ABL2: variants seen among roughly 807,000 people sequenced by gnomAD.
The protein encoded by ABL2 is tyrosine-protein kinase ABL2.
A neutral mutation model predicts 107.7 loss-of-function variants in ABL2; 49 were observed. That is an observed-to-expected ratio of 0.45 (90% CI 0.36 to 0.58). The LOEUF (loss-of-function observed/expected upper bound fraction) is 0.58. ABL2 is among the 20% of genes least tolerant of loss of function. The pLI is 0.00. For synonymous variants in ABL2, 549 were observed against 548.6 expected (o/e 1.00, Z -0.01); for missense variants, 1,245 against 1,457.0 (o/e 0.85, Z 2.37).
In ABL2 at chr1:179,115,043, T is replaced by A; in HGVS notation, c.1409-13A>T. 6.4e-7 allele frequency: 1 copy of A among 1,572,650 alleles called. No homozygotes were observed. Among genetic ancestry groups the A allele is most frequent in the Admixed American group, 2.0e-5 (1 of 50,556 alleles). On this transcript the variant is annotated splice_polypyrimidine_tract_variant and intron_variant, in intron 8 of 11. Transcript: ENST00000502732. ...AATACCCCAAAAGCTGCATAAGGAA[T>A]TAAAAAAAGCACTTAGTGTTTCTTC...
chr1:179,126,722 T>C lies in ABL2; in HGVS notation c.392-50A>G. ...GAAAGAAACGATGTTAAGACTTTAT[T>C]TCAACTGAAGCAGTGTACTGTCAAA... On this transcript the variant is annotated intron_variant, in intron 3 of 11. Coordinates refer to ENST00000502732, the MANE Select transcript of ABL2 (RefSeq NM_007314.4). This position sits in a 1 kb window ranked among gnomAD's most constrained non-coding sequence, Gnocchi z 4.4. The C allele has an allele frequency of 6.5e-7, 1 of 1,528,140 alleles. No individual in the cohort carries two copies. The highest frequency in any genetic ancestry group is 8.9e-7 in the Non-Finnish European group (1 of 1,122,154). The allele number at this position is 1,528,140 out of a possible 1,614,324, so 94.7% of individuals were successfully genotyped here. A position where few individuals can be genotyped will look rare whatever the true frequency, so the allele number is the denominator to read the frequency against.
Position 179,125,106 on chromosome 1 carries a change from T to C in ABL2, c.687+1271A>G, listed in dbSNP as rs1257675822. On this transcript the variant is annotated intron_variant, in intron 4 of 11. Transcript: ENST00000502732. ...CAGCAAACTCTTCATAAGGGCCAGA[T>C]AATAAATATTTTAGGCTGTGGCCAT... Among the ~76,000 whole-genome samples, 6 of 152,360 alleles carry C rather than the reference T, an allele frequency of 3.9e-5. No individual in the cohort carries two copies. The East Asian group carries it at 1.2e-3, about 29-fold the overall frequency.
intron 1 of ABL2, among the ~76,000 whole-genome samples, chr1:179,178,554 A>AT (rs1423794720): frequency 2.0e-5 from 3 of 152,116 alleles, no homozygotes; most frequent in Admixed American, 2.0e-4. Context: ...AACAGAGAGA[A>AT]TAAAAACTTA....
chr1:179,229,065 G>C (rs1478954833), intron 1 of ABL2, among the ~76,000 whole-genome samples, 176 bp downstream of exon 1: 1 of 151,950 alleles, frequency 6.6e-6, no homozygotes, highest in Non-Finnish European at 1.5e-5. Flanking sequence ...AGAGACGCGA[G>C]GGGGGAGGGG....
At chr1:179,228,762 A>G (rs1440367006) in intron 1 of ABL2, among the ~76,000 whole-genome samples, 1 of 152,194 alleles carries the variant, frequency 6.6e-6, no homozygotes, top group Non-Finnish European at 1.5e-5. Context: ...CTATCCTGAC[A>G]CTGCTCATCA....
At chr1:179,177,663 C>T (rs1660127537) in intron 1 of ABL2, among the ~76,000 whole-genome samples, 1 of 152,100 alleles carries the variant, frequency 6.6e-6, no homozygotes, top group African/African-American at 2.4e-5. Flanking sequence ...TCTGGGAAAC[C>T]ACAGGTGGTA....
At position 179,114,889 on chromosome 1, in the gene ABL2, A is replaced by T; in HGVS notation, c.1550T>A (p.Leu517His). 6.2e-7 allele frequency: 1 copy of T among 1,601,290 alleles called. No homozygotes were observed. Among genetic ancestry groups the T allele is most frequent in the Non-Finnish European group, 8.5e-7 (1 of 1,175,528 alleles). ...GCAAAAATACTCACATGCTCTCATA[A>T]GTTCATAAACCTTAGGGGGGCATCC... ...PEGCPPKVYE[L>H]MRACWKWSPA... The change falls in exon 9 of 12, where the codon CTT (leucine) becomes CAT (histidine). Residue 517 changes from leucine to histidine, a missense_variant. This residue lies in a region of ABL2 where 320 missense variants were observed against 547.0 expected (regional missense o/e 0.59). Transcript: ENST00000502732.
Position 179,117,117 on chromosome 1 carries a change from G to A in ABL2, c.1408+215C>T, listed in dbSNP as rs1654722948. 7 of 569,234 alleles carry A rather than the reference G, an allele frequency of 1.2e-5. No individual in the cohort carries two copies. In the South Asian group the frequency reaches 1.4e-4, roughly 12 times the overall value. The allele number at this position is 569,234 out of a possible 1,614,324, so 35.3% of individuals were successfully genotyped here. ...CCCAAAGTGCTGTAATTACAAACGT[G>A]AGCCACCACACCAGGCCTATACTTC... is the stretch of plus-strand genomic sequence containing the variant. On this transcript the variant is annotated intron_variant, in intron 8 of 11. Transcript: ENST00000502732.
At chr1:179,186,677 A>C (rs1037947907) in intron 1 of ABL2, among the ~76,000 whole-genome samples, 34 of 151,928 alleles carry the variant, frequency 2.2e-4, no homozygotes, top group Non-Finnish European at 3.2e-4. Context: ...ATATTTATTT[A>C]AAGTTTTGTC....
intron 1 of ABL2, chr1:179,183,868 C>G (rs1433464052): frequency 1.4e-5 from 3 of 220,994 alleles, no homozygotes; most frequent in African/African-American, 7.1e-5. Flanking sequence ...GTCTCCACGC[C>G]CACCTCAAAA....
Position 179,102,333 on chromosome 1 carries a change from T to C in ABL2, c.*5385A>G, listed in dbSNP as rs1458588594. Reference sequence around the variant, plus strand: ...GCCAGAATTTCTTTAAGTCTAGTAGTTGGAAAACCAGAACTCTATCCAAAT... The same window carrying C: ...GCCAGAATTTCTTTAAGTCTAGTAGCTGGAAAACCAGAACTCTATCCAAAT... On this transcript the variant is annotated 3_prime_UTR_variant, in exon 12 of 12. Transcript: ENST00000502732. 3 of 196,314 alleles carry C rather than the reference T, an allele frequency of 1.5e-5. No individual in the cohort carries two copies. The highest frequency in any genetic ancestry group is 1.2e-4 in the Admixed American group (2 of 16,448). The allele number at this position is 196,314 out of a possible 1,614,324, so 12.2% of individuals were successfully genotyped here.
chr1:179,221,233 C>T, intron 1 of ABL2: 1 of 174,050 alleles, frequency 5.7e-6, no homozygotes, highest in Non-Finnish European at 1.2e-5. Context: ...TGTCCTCGGA[C>T]GATTAACATC....
At chr1:179,114,446 C>T (rs1654421507) in intron 9 of ABL2, among the ~76,000 whole-genome samples, 1 of 152,116 alleles carries the variant, frequency 6.6e-6, no homozygotes, top group African/African-American at 2.4e-5. Flanking sequence ...CACAAATAAA[C>T]AAACAAACAA....
At chr1:179,163,590 T>C (rs571185025) in intron 1 of ABL2, among the ~76,000 whole-genome samples, 1 of 152,050 alleles carries the variant, frequency 6.6e-6, no homozygotes, top group Non-Finnish European at 1.5e-5. Flanking sequence ...CTACTAAAAA[T>C]ACAAAAATTA....
At chr1:179,144,426 C>T (rs1271147317) in intron 1 of ABL2, among the ~76,000 whole-genome samples, 1 of 152,102 alleles carries the variant, frequency 6.6e-6, no homozygotes, top group East Asian at 1.9e-4. Flanking sequence ...CGCCACTGCA[C>T]TCCAGCCTGG....
chr1:179,147,486 G>A (rs1055005042), intron 1 of ABL2, among the ~76,000 whole-genome samples: 5 of 152,122 alleles, frequency 3.3e-5, no homozygotes, highest in Non-Finnish European at 1.5e-5. Context: ...ATGGATGACT[G>A]GAGTTTTTAA....
At chr1:179,199,832 A>G (rs1387448855) in intron 1 of ABL2, among the ~76,000 whole-genome samples, 1 of 150,160 alleles carries the variant, frequency 6.7e-6, no homozygotes, top group Non-Finnish European at 1.5e-5. Flanking sequence ...TCCTGCGCTC[A>G]AGCAATCCTC....
intron 1 of ABL2, among the ~76,000 whole-genome samples, chr1:179,170,636 C>T (rs2102772772): frequency 6.6e-6 from 1 of 152,256 alleles, no homozygotes; most frequent in Admixed American, 6.5e-5. Context: ...CGCTCTGTCA[C>T]CCAGCTGGAG....
intron 1 of ABL2, among the ~76,000 whole-genome samples, chr1:179,215,246 T>C (rs1289049508): frequency 6.6e-6 from 1 of 152,094 alleles, no homozygotes; most frequent in Non-Finnish European, 1.5e-5. Context: ...TATACTCATA[T>C]ATATGTAAAT....
Sources: gnomAD v4.1 joint callset for allele counts (sites outside exome capture counted in the v4.1 genomes callset) on GRCh38, gnomAD v4.1.1 for gene constraint, gnomAD v4.1.1 regional missense constraint, Gnocchi (gnomAD v3.1) non-coding constraint, MANE v1.5 for transcripts, NCBI Gene and HGNC (gene_info 2026-07-23, HGNC 2026-07-21) for gene names.